The following COPG1 variants were observed in gnomAD, a reference collection of about 807,000 sequenced individuals.
COPG1 encodes the protein coatomer subunit gamma-1.
Under a neutral mutation model 102.8 loss-of-function variants are expected in COPG1, and 29 were observed. The observed-to-expected ratio is 0.28, with a 90% CI of 0.21 to 0.38. The LOEUF (loss-of-function observed/expected upper bound fraction) is 0.38, where lower values mean the gene tolerates loss of function less well. Ranked by LOEUF, COPG1 falls within the 10% of genes least tolerant of loss-of-function variation. The probability of loss-of-function intolerance (pLI) is 1.00; values close to 1 mark genes in which losing one functional copy is unlikely to be tolerated. For missense variants in COPG1, 875 were observed against 1,132.7 expected (o/e 0.77, Z 3.27); for synonymous variants, 406 against 421.6 (o/e 0.96, Z 0.45).
At chr3:129,250,911 T>G in intron 2 of COPG1, 177 bp downstream of exon 2, 1 of 325,674 alleles carries the variant, frequency 3.1e-6, no homozygotes, top group East Asian at 6.4e-5. Context: ...TATGCTTACT[T>G]CTTTTTTTTT....
chr3:129,252,355 A>C lies in COPG1; in HGVS notation c.165A>C (p.Ile55=), dbSNP rs764510012. The change falls in exon 3 of 24, where the codon ATA becomes ATC. Residue 55 remains isoleucine, a synonymous_variant. Coordinates refer to ENST00000314797, the MANE Select transcript of COPG1 (RefSeq NM_016128.4). ...TCCTCACCAAGATTCTTTATCTCAT[A>C]AACCAGGTAACAGGGTGAAGCTTGC... The part of the protein sequence containing the change: ...AHILTKILYL[I]NQGEHLGTTE... 8.1e-6 allele frequency: 13 copies of C among 1,608,318 alleles called. No homozygotes were observed. Among genetic ancestry groups the C allele is most frequent in the Admixed American group, 6.7e-5 (4 of 59,994 alleles).
At chr3:129,257,232 C>G (rs1470202978) in intron 8 of COPG1, among the ~76,000 whole-genome samples, 1 of 152,224 alleles carries the variant, frequency 6.6e-6, no homozygotes, top group Non-Finnish European at 1.5e-5. Context: ...CCTGTTAGGG[C>G]TCTTGCCGAA....
At chr3:129,267,465 T>C (rs1277963774) in intron 15 of COPG1, among the ~76,000 whole-genome samples, 1 of 152,078 alleles carries the variant, frequency 6.6e-6, no homozygotes, top group South Asian at 2.1e-4. Flanking sequence ...ACTACAAATA[T>C]AAAAAATTAG....
At position 129,257,728 on chromosome 3, in the gene COPG1, C is replaced by G. The variant is rs774874304; in HGVS notation, c.739C>G (p.Arg247Gly). The change falls in exon 10 of 24, where the codon CGT (arginine) becomes GGT (glycine). Residue 247 changes from arginine (R) to glycine (G), a missense_variant and splice_region_variant. Arg to Gly is a moderately radical substitution (Grantham distance 125, BLOSUM62 -2). Coordinates refer to ENST00000314797, the MANE Select transcript of COPG1 (RefSeq NM_016128.4). ...SKQLEEEDGS[R>G]DSPLFDFIES... is the part of the protein sequence containing the mutation. ...TTGCCACCCTATGTTCTTTTGTAGC[C>G]GTGACAGCCCACTGTTTGACTTCAT... The G allele has an allele frequency of 6.2e-7, 1 of 1,613,830 alleles. No homozygotes were observed.
rs1248525716 is a variant in COPG1, at chr3:129,260,770, TCTC to T, written c.1097_1099del (p.Ser366del). ...AGCATCGACCGCCTCATGAAGCAGA[TCTC>T]CTCCTTCATGTCAGAAATCTCGGAT... is the stretch of plus-strand genomic sequence containing the variant. On this transcript the variant is annotated inframe_deletion, in exon 12 of 24. Transcript: ENST00000314797. 6 of 1,612,414 alleles carry T rather than the reference TCTC, an allele frequency of 3.7e-6. No individual in the cohort carries two copies. Among genetic ancestry groups the T allele is most frequent in the African/African-American group, 1.3e-5 (1 of 74,840 alleles).
Position 129,273,319 on chromosome 3 carries a change from C to T in COPG1, c.2256+415C>T, listed in dbSNP as rs1028499070. ...GATTACAGGCGTGAGCCACCGCGCCCGGCCTAAAATAACTTTTTAAACTTA... is the reference window on the plus strand; with the variant it reads ...GATTACAGGCGTGAGCCACCGCGCCTGGCCTAAAATAACTTTTTAAACTTA... On this transcript the variant is annotated intron_variant, in intron 21 of 23. Coordinates refer to ENST00000314797, the MANE Select transcript of COPG1 (RefSeq NM_016128.4). Among the ~76,000 whole-genome samples, 8 of 152,176 alleles carry T rather than the reference C, an allele frequency of 5.3e-5. No homozygotes were observed. In the South Asian group the frequency reaches 6.2e-4, roughly 12 times the overall value.
intron 5 of COPG1, chr3:129,254,443 C>T: frequency 3.9e-6 from 2 of 513,224 alleles, no homozygotes; most frequent in South Asian, 5.3e-5. Flanking sequence ...CAGTAGGAAG[C>T]TATGGAAACT....
chr3:129,266,320 G>T lies in COPG1; in HGVS notation c.1468+528G>T, dbSNP rs112916408. Among the ~76,000 whole-genome samples, 1,482 of 152,046 alleles carry T rather than the reference G, an allele frequency of 9.7e-3. 22 individuals carry two copies. Among genetic ancestry groups the T allele is most frequent in the African/African-American group, 0.034 (1,400 of 41,452 alleles). ...TTAAGTATTTTTTTAATTGAGACGG[G>T]GTCTTGCTATGTTGTCCAGGCTGGT... On this transcript the variant is annotated intron_variant, in intron 14 of 23. Coordinates refer to ENST00000314797, the MANE Select transcript of COPG1 (RefSeq NM_016128.4).
chr3:129,252,656 G>A lies in COPG1; in HGVS notation c.205G>A (p.Ala69Thr), dbSNP rs1257886065. ...CCTGGGGACCACGGAAGCGACCGAG[G>A]CCTTCTTTGCCATGACCAAGCTCTT... ...EHLGTTEATE[A>T]FFAMTKLFQS... is the part of the protein sequence containing the mutation. Residue 69 changes from alanine to threonine, a missense_variant, in exon 4 of 24, where the codon GCC (alanine) becomes ACC (threonine). Ala to Thr is a moderately conservative substitution (Grantham distance 58, BLOSUM62 0). Coordinates refer to ENST00000314797, the MANE Select transcript of COPG1 (RefSeq NM_016128.4). 1 of 1,614,156 alleles carries A rather than the reference G, an allele frequency of 6.2e-7. No individual in the cohort carries two copies. The highest frequency in any genetic ancestry group is 1.7e-5 in the Admixed American group (1 of 60,016).
intron 14 of COPG1, among the ~76,000 whole-genome samples, chr3:129,266,578 C>T (rs1940065711): frequency 6.6e-6 from 1 of 152,082 alleles, no homozygotes; most frequent in Non-Finnish European, 1.5e-5. Context: ...TTTTTAATTT[C>T]TTTTCATGCC....
chr3:129,268,730 A>G (rs1940120665), intron 17 of COPG1, 110 bp downstream of exon 17: 1 of 1,345,564 alleles, frequency 7.4e-7, no homozygotes, highest in South Asian at 1.3e-5. Flanking sequence ...TTATGCTGGG[A>G]GGAGGAAATG....
Position 129,272,880 on chromosome 3 carries a change from C to T in COPG1, c.2232C>T (p.Asp744=), listed in dbSNP as rs146536439. ...DCDPTTGETD[D]EGYEDEYVLE... Reference sequence around the variant, plus strand: ...ATCCCACCACTGGGGAGACTGATGACGAAGGCTATGAGGATGAGTATGTGG... The same window carrying T: ...ATCCCACCACTGGGGAGACTGATGATGAAGGCTATGAGGATGAGTATGTGG... The change falls in exon 21 of 24, where the codon GAC becomes GAT. Residue 744 remains aspartate, a synonymous_variant. Coordinates refer to ENST00000314797, the MANE Select transcript of COPG1 (RefSeq NM_016128.4). 3.0e-5 allele frequency: 48 copies of T among 1,609,860 alleles called. 1 individual carries two copies. In the African/African-American group the frequency reaches 5.3e-4, roughly 18 times the overall value.
chr3:129,262,722 G>GAA (rs71674809), intron 12 of COPG1, among the ~76,000 whole-genome samples: 13,922 of 142,288 alleles, frequency 0.098, 1,864 homozygotes, highest in African/African-American at 0.3. Flanking sequence ...GACCTTGTCT[G>GAA]AAAAAAAAAA....
Position 129,274,931 on chromosome 3 carries a change from G to C in COPG1, c.2350G>C (p.Glu784Gln), listed in dbSNP as rs1222864585. 6.2e-7 allele frequency: 1 copy of C among 1,614,166 alleles called. No homozygotes were observed. The highest frequency in any genetic ancestry group is 1.1e-5 in the South Asian group (1 of 91,070). The change falls in exon 22 of 24, where the codon GAG (glutamate) becomes CAG (glutamine). Residue 784 changes from glutamate (E) to glutamine (Q), a missense_variant. Glu to Gln is a conservative substitution (Grantham distance 29, BLOSUM62 2). Transcript: ENST00000314797. Reference protein sequence around the residue: ...AAWDEVGDEFEKEETFTLSTI... With the variant: ...AAWDEVGDEFQKEETFTLSTI... ...CTGGGATGAGGTAGGGGATGAATTTGAGAAGGAGGAAACGTTCACCTTGTC... is the reference window on the plus strand; with the variant it reads ...CTGGGATGAGGTAGGGGATGAATTTCAGAAGGAGGAAACGTTCACCTTGTC...
At chr3:129,254,017 A>T (rs927196461) in intron 5 of COPG1, among the ~76,000 whole-genome samples, 1 of 145,726 alleles carries the variant, frequency 6.9e-6, no homozygotes, top group Admixed American at 6.9e-5. Context: ...AAAAAAAAAA[A>T]GCCAGGAGTG....
chr3:129,250,702 C>T lies in COPG1; in HGVS notation c.58C>T (p.Gln20Ter), dbSNP rs1274077415. 1 of 1,613,952 alleles carries T rather than the reference C, an allele frequency of 6.2e-7. No individual in the cohort carries two copies. Among genetic ancestry groups the T allele is most frequent in the African/African-American group, 1.3e-5 (1 of 74,902 alleles). Residue 20 changes from glutamine (Q) to a stop codon, truncating the protein, a stop_gained, in exon 2 of 24, where the codon CAG (glutamine) becomes TAG (stop). Transcript: ENST00000314797. LOFTEE classifies it high-confidence loss of function. ...EESGGGSNPF[Q>*]HLEKSAVLQE... is the part of the protein sequence containing the mutation. ...CGTAGGTGGAGGCTCCAACCCATTC[C>T]AGCACCTTGAGAAGAGTGCGGTACT... is the stretch of plus-strand genomic sequence containing the variant.
At chr3:129,256,349 G>T (rs1193628324) in intron 8 of COPG1, among the ~76,000 whole-genome samples, 195 bp downstream of exon 8, 1 of 152,206 alleles carries the variant, frequency 6.6e-6, no homozygotes, top group Non-Finnish European at 1.5e-5. Flanking sequence ...TGGGGCGCTT[G>T]GGTTACAGAC....
In COPG1 at chr3:129,251,877, G is replaced by A. The variant is rs537738470; in HGVS notation, c.91-404G>A. On this transcript the variant is annotated intron_variant, in intron 2 of 23. Coordinates refer to ENST00000314797, the MANE Select transcript of COPG1 (RefSeq NM_016128.4). ...TAAGTTTTGTATTTTTAGTACAGAC[G>A]GGGTTTCACCATGTTGGCCAGGCTG... Among the ~76,000 whole-genome samples, 440 of 149,244 alleles carry A rather than the reference G, an allele frequency of 2.9e-3. 1 individual carries two copies. The highest frequency in any genetic ancestry group is 0.011 in the African/African-American group (432 of 40,338).
chr3:129,254,846 G>A, intron 6 of COPG1, 103 bp downstream of exon 6: 5 of 1,220,898 alleles, frequency 4.1e-6, no homozygotes, highest in Non-Finnish European at 4.8e-6. Flanking sequence ...GCCAGGTGAT[G>A]TGGGGTGGAG....
Sources: gnomAD v4.1 joint callset for allele counts (sites outside exome capture counted in the v4.1 genomes callset) on GRCh38, gnomAD v4.1.1 for gene constraint, MANE v1.5 for transcripts, NCBI Gene and HGNC (gene_info 2026-07-23, HGNC 2026-07-21) for gene names.